MLXIPL: variants seen among roughly 807,000 people sequenced by gnomAD.
The protein encoded by MLXIPL is carbohydrate-responsive element-binding protein.
MLXIPL carries 49 observed loss-of-function variants against 81.5 expected under a neutral mutation model. The observed-to-expected ratio is 0.60, with a 90% confidence interval of 0.48 to 0.76. The LOEUF (loss-of-function observed/expected upper bound fraction) is 0.76, where lower values mean the gene tolerates loss of function less well. MLXIPL is among the 30% of genes least tolerant of loss of function. MLXIPL has a pLI of 0.00. For missense variants in MLXIPL, 1,053 were observed against 1,167.0 expected (o/e 0.90, Z 1.42); for synonymous variants, 466 against 485.5 (o/e 0.96, Z 0.53).
Position 73,596,645 on chromosome 7 carries a change from G to A in MLXIPL, c.1816C>T (p.Pro606Ser), listed in dbSNP as rs1554594033. 1 of 1,597,230 alleles carries A rather than the reference G, an allele frequency of 6.3e-7. No homozygotes were observed. The highest frequency in any genetic ancestry group is 8.5e-7 in the Non-Finnish European group (1 of 1,171,750). Residue 606 changes from proline (P) to serine (S), a missense_variant, in exon 11 of 17, where the codon CCC becomes TCC. Physicochemically the swap from Pro to Ser is moderately conservative, Grantham distance 74 (BLOSUM62 -1). This residue lies in a region of MLXIPL where 823 missense variants were observed against 933.0 expected (regional missense o/e 0.88). Coordinates refer to ENST00000313375, the MANE Select transcript of MLXIPL (RefSeq NM_032951.3). This position sits in a 1 kb window ranked among gnomAD's most constrained non-coding sequence, Gnocchi z 4.7. ...PKAERLSPPAPSGSERRLSGD... is the reference protein window; with the variant it reads ...PKAERLSPPASSGSERRLSGD... ...CTGCAACCCCTCTCTTTACCGCTGG[G>A]CGCTGGGGGTGAGAGCCGCTCCGCT...
the MLXIPL span, among the ~76,000 whole-genome samples, chr7:73,635,880 G>A: frequency 5.3e-5 from 8 of 152,098 alleles, no homozygotes; most frequent in East Asian, 7.7e-4. Flanking sequence ...CATATTAACC[G>A]CCTGCTGATG....
At position 73,616,263 on chromosome 7, in the gene MLXIPL, A is replaced by G. The variant is rs75714988; in HGVS notation, c.294-86T>C. The G allele has an allele frequency of 5.3e-4, 650 of 1,221,110 alleles. 2 individuals carry two copies. The East Asian group carries it at 0.015, about 28-fold the overall frequency. 75.6% of individuals were successfully genotyped at this position (1,221,110 alleles called of 1,614,324 possible). On this transcript the variant is annotated intron_variant, in intron 1 of 16. Coordinates refer to ENST00000313375, the MANE Select transcript of MLXIPL (RefSeq NM_032951.3). ...CATATTCCCCATGCACTAGGCATCC[A>G]TCTATGGTTGGCATTTGAGGGGCCC...
the MLXIPL span, among the ~76,000 whole-genome samples, chr7:73,629,656 T>TG: frequency 6.6e-6 from 1 of 152,176 alleles, no homozygotes; most frequent in Non-Finnish European, 1.5e-5. Flanking sequence ...GCTCAGGAGT[T>TG]GGAGGCTGCA....
At position 73,595,748 on chromosome 7, in the gene MLXIPL, C is replaced by A; in HGVS notation, c.2199G>T (p.Gln733His). The A allele has an allele frequency of 6.2e-6, 10 of 1,603,112 alleles. No homozygotes were observed. Among genetic ancestry groups the A allele is most frequent in the Non-Finnish European group, 8.5e-6 (10 of 1,174,668 alleles). Residue 733 changes from glutamine to histidine, a missense_variant, in exon 15 of 17, where the codon CAG (glutamine) becomes CAT (histidine). Coordinates refer to ENST00000313375, the MANE Select transcript of MLXIPL (RefSeq NM_032951.3). ...TGGGTACCCCTGTGGCGGGCAGCTG[C>A]TGCTGGCACAGGCTGGGGGCAGGGC... ...ELNAAINLCQ[Q>H]QLPATGVPIT... is the part of the protein sequence containing the mutation.
At chr7:73,615,973 C>CG (rs1470259152) in intron 2 of MLXIPL, 98 bp downstream of exon 2, 2 of 965,610 alleles carry the variant, frequency 2.1e-6, no homozygotes, top group African/African-American at 3.2e-5. Flanking sequence ...TTGAGGACCC[C>CG]GGGGATTTTC....
chr7:73,623,013 G>A lies in MLXIPL; in HGVS notation c.293+1187C>T, dbSNP rs552756694. On this transcript the variant is annotated intron_variant, in intron 1 of 16. Transcript: ENST00000313375. This position sits in a 1 kb window ranked among gnomAD's most constrained non-coding sequence, Gnocchi z 5.7. ...ATTTGGGGAGGGAGGGAGAAGGGACGGGAATTTGAACTTTCCACACGGGTC... is the reference window on the plus strand; with the variant it reads ...ATTTGGGGAGGGAGGGAGAAGGGACAGGAATTTGAACTTTCCACACGGGTC... 3.9e-5 allele frequency among the ~76,000 whole-genome samples: 6 copies of A among 152,238 alleles called. No homozygotes were observed. The highest frequency in any genetic ancestry group is 2.6e-4 in the Admixed American group (4 of 15,270).
chr7:73,628,319 C>T (rs1796784764), upstream of MLXIPL, among the ~76,000 whole-genome samples: 1 of 152,142 alleles, frequency 6.6e-6, no homozygotes, highest in South Asian at 2.1e-4. Context: ...ACCCAACATC[C>T]CTCCTTCCCC....
intron 15 of MLXIPL, among the ~76,000 whole-genome samples, 177 bp from the exon 16 acceptor site, chr7:73,594,580 G>T (rs371104633): frequency 6.6e-6 from 1 of 151,220 alleles, no homozygotes; most frequent in Admixed American, 6.6e-5. Flanking sequence ...ACGGAGTCTC[G>T]CTCTGTCACC....
intron 1 of MLXIPL, among the ~76,000 whole-genome samples, chr7:73,622,656 T>C (rs1796457325): frequency 6.6e-6 from 1 of 151,790 alleles, no homozygotes; most frequent in Admixed American, 6.6e-5. Flanking sequence ...AGATTTACTA[T>C]TAATATTTGG....
intron 8 of MLXIPL, 41 bp downstream of exon 8, chr7:73,599,485 A>C (rs782349251): frequency 6.2e-7 from 1 of 1,606,814 alleles, no homozygotes; most frequent in Non-Finnish European, 8.5e-7. Flanking sequence ...AACAGCTCTC[A>C]AGTGAGCTAC....
At chr7:73,644,990 GC>G in the MLXIPL span, among the ~76,000 whole-genome samples, 1 of 152,062 alleles carries the variant, frequency 6.6e-6, no homozygotes, top group Non-Finnish European at 1.5e-5. Flanking sequence ...GACTACCCAA[GC>G]CAGCTAGCAG....
At chr7:73,636,342 G>A in the MLXIPL span, among the ~76,000 whole-genome samples, 1 of 151,958 alleles carries the variant, frequency 6.6e-6, no homozygotes, top group Non-Finnish European at 1.5e-5. Flanking sequence ...CCTGGGAGGT[G>A]GAGGTTGTGG....
At chr7:73,647,796 G>C in the MLXIPL span, among the ~76,000 whole-genome samples, 3 of 151,482 alleles carry the variant, frequency 2.0e-5, no homozygotes, top group African/African-American at 7.3e-5. Context: ...TCGACCTGCA[G>C]AGGGGCGCGG....
At chr7:73,636,022 G>A in the MLXIPL span, among the ~76,000 whole-genome samples, 1 of 152,186 alleles carries the variant, frequency 6.6e-6, no homozygotes, top group African/African-American at 2.4e-5. Context: ...CAGTTCCTGG[G>A]ACTGTGGAAG....
At position 73,607,721 on chromosome 7, in the gene MLXIPL, C is replaced by T. The variant is rs782210215; in HGVS notation, c.401-49G>A. The T allele has an allele frequency of 7.1e-6, 11 of 1,546,184 alleles. No homozygotes were observed. In the South Asian group the frequency reaches 1.2e-4, roughly 17 times the overall value. Reference sequence around the variant, plus strand: ...GGGCACCCAGCTTCCTCATCCCCCACCTCACCCCAGGGGACTGGGACTCAA... The same window carrying T: ...GGGCACCCAGCTTCCTCATCCCCCATCTCACCCCAGGGGACTGGGACTCAA... On this transcript the variant is annotated intron_variant, in intron 2 of 16. Transcript: ENST00000313375.
chr7:73,626,219 G>A (rs984266860), upstream of MLXIPL, among the ~76,000 whole-genome samples: 2 of 152,070 alleles, frequency 1.3e-5, no homozygotes, highest in African/African-American at 4.8e-5. Context: ...GGCCAGGCTG[G>A]TCTCAAACTC....
upstream of MLXIPL, among the ~76,000 whole-genome samples, chr7:73,624,789 G>A (rs893310236): frequency 6.6e-6 from 1 of 152,178 alleles, no homozygotes; most frequent in Non-Finnish European, 1.5e-5. Flanking sequence ...GGACGCCAGG[G>A]GCTCTTGCCT....
At chr7:73,598,297 A>G (rs1554595018) in intron 8 of MLXIPL, among the ~76,000 whole-genome samples, 1 of 152,020 alleles carries the variant, frequency 6.6e-6, no homozygotes, top group African/African-American at 2.4e-5. Context: ...CCACCAGCCT[A>G]CCAGATATTA....
upstream of MLXIPL, among the ~76,000 whole-genome samples, chr7:73,625,025 C>T (rs1796653751): frequency 1.3e-5 from 2 of 152,158 alleles, no homozygotes; most frequent in South Asian, 2.1e-4. Context: ...CTCTACCAAA[C>T]ATACAAAAAT....
Sources: gnomAD v4.1 joint callset for allele counts (sites outside exome capture counted in the v4.1 genomes callset) on GRCh38, gnomAD v4.1.1 for gene constraint, gnomAD v4.1.1 regional missense constraint, Gnocchi (gnomAD v3.1) non-coding constraint, MANE v1.5 for transcripts, NCBI Gene and HGNC (gene_info 2026-07-23, HGNC 2026-07-21) for gene names.